The following BMERB1 variants were observed in gnomAD, a reference collection of about 807,000 sequenced individuals.
The protein encoded by BMERB1 is bMERB domain containing 1.
Under a neutral mutation model 23.6 loss-of-function variants are expected in BMERB1, and 12 were observed. The ratio of observed to expected loss-of-function variants is 0.51; its 90% CI spans 0.33 to 0.82. The LOEUF (loss-of-function observed/expected upper bound fraction) is 0.82, where lower values mean the gene tolerates loss of function less well. Among genes scored for constraint, BMERB1 ranks in the 40% least tolerant of loss-of-function variants. The pLI is 0.03. For missense variants in BMERB1, 247 were observed against 255.4 expected, an observed-to-expected ratio of 0.97 and a Z score of 0.22; for synonymous variants, 122 against 96.6, an observed-to-expected ratio of 1.26 and a Z score of -1.54.
chr16:15,526,150 T>A (rs540720009), intron 2 of BMERB1, among the ~76,000 whole-genome samples: 4 of 152,334 alleles, frequency 2.6e-5, no homozygotes, highest in Middle Eastern at 3.4e-3. Context: ...GTATAGGACA[T>A]TTCTATTGTT....
intron 1 of BMERB1, among the ~76,000 whole-genome samples, chr16:15,450,497 G>A (rs1341742926): frequency 6.6e-6 from 1 of 151,956 alleles, no homozygotes; most frequent in South Asian, 2.1e-4. Context: ...TTGAAACAGA[G>A]TCTTGCTCTA....
chr16:15,563,369 A>G (rs2030478861), intron 2 of BMERB1, among the ~76,000 whole-genome samples: 1 of 151,836 alleles, frequency 6.6e-6, no homozygotes. Context: ...ACAGGTGCCT[A>G]CCACCACGCC....
chr16:15,452,815 A>G (rs1567451831), intron 1 of BMERB1, among the ~76,000 whole-genome samples: 1 of 151,930 alleles, frequency 6.6e-6, no homozygotes, highest in Non-Finnish European at 1.5e-5. Flanking sequence ...TCAAGACCCA[A>G]CCCTTGACTA....
At chr16:15,542,156 C>T (rs2052091638) in intron 2 of BMERB1, among the ~76,000 whole-genome samples, 1 of 151,672 alleles carries the variant, frequency 6.6e-6, no homozygotes, top group African/African-American at 2.4e-5. Flanking sequence ...CTCCGCCTCC[C>T]AGGTTCAAGC....
intron 4 of BMERB1, among the ~76,000 whole-genome samples, chr16:15,582,757 C>A (rs1292998746): frequency 6.6e-6 from 1 of 152,172 alleles, no homozygotes; most frequent in African/African-American, 2.4e-5. Flanking sequence ...CCTACTTTAT[C>A]TTGGTGATCC....
intron 2 of BMERB1, among the ~76,000 whole-genome samples, chr16:15,542,927 CTT>C (rs960027618): frequency 6.6e-6 from 1 of 152,086 alleles, no homozygotes; most frequent in Non-Finnish European, 1.5e-5. Flanking sequence ...AATTAATACT[CTT>C]TTAGCAGTTG....
intron 1 of BMERB1, among the ~76,000 whole-genome samples, chr16:15,441,813 C>T (rs1317156353): frequency 1.3e-5 from 2 of 152,238 alleles, no homozygotes; most frequent in Admixed American, 6.5e-5. Flanking sequence ...AGAGCCACTG[C>T]GCCCAGCCTG....
intron 5 of BMERB1, among the ~76,000 whole-genome samples, chr16:15,586,446 T>A (rs957870389): frequency 2.6e-5 from 4 of 152,144 alleles, no homozygotes; most frequent in African/African-American, 9.7e-5. Context: ...GCAGGTACAA[T>A]GATGATAACA....
Position 15,581,204 on chromosome 16 carries a change from G to T in BMERB1, c.305-13G>T, listed in dbSNP as rs942436379. 8.8e-6 allele frequency: 14 copies of T among 1,595,804 alleles called. No individual in the cohort carries two copies. The highest frequency in any genetic ancestry group is 5.4e-5 in the African/African-American group (4 of 74,674). ...AATGCTCATCTGTCTCCTTGTTGAT[G>T]TCTTCTTTCCAGAAAAAGAAAAAAC... On this transcript the variant is annotated splice_polypyrimidine_tract_variant and intron_variant, in intron 3 of 5. Coordinates refer to ENST00000300006, the MANE Select transcript of BMERB1 (RefSeq NM_033201.3).
intron 1 of BMERB1, among the ~76,000 whole-genome samples, chr16:15,500,558 AAAG>A (rs1249066791): frequency 6.7e-6 from 1 of 150,144 alleles, no homozygotes; most frequent in Non-Finnish European, 1.5e-5. Context: ...GGGAGAAAAG[AAAG>A]AAGGAGATGA....
intron 1 of BMERB1, among the ~76,000 whole-genome samples, chr16:15,478,880 A>T (rs1373010961): frequency 6.6e-6 from 1 of 152,196 alleles, no homozygotes; most frequent in Non-Finnish European, 1.5e-5. Flanking sequence ...GCTCTTCTGG[A>T]TGATGGAATG....
chr16:15,434,981 G>C (rs1401755439), intron 1 of BMERB1, among the ~76,000 whole-genome samples: 1 of 152,268 alleles, frequency 6.6e-6, no homozygotes, highest in African/African-American at 2.4e-5. Flanking sequence ...GGAGGGTTGG[G>C]AGATGGCCAG....
At chr16:15,455,369 G>A (rs2051077528) in intron 1 of BMERB1, among the ~76,000 whole-genome samples, 1 of 151,474 alleles carries the variant, frequency 6.6e-6, no homozygotes, top group Non-Finnish European at 1.5e-5. Flanking sequence ...ACCCAACAGT[G>A]TGTTGGGTAT....
chr16:15,479,300 A>C (rs2051299364), intron 1 of BMERB1, among the ~76,000 whole-genome samples: 1 of 152,158 alleles, frequency 6.6e-6, no homozygotes, highest in African/African-American at 2.4e-5. Context: ...GTGGAAGATC[A>C]GTGTAAATCA....
chr16:15,480,880 G>A (rs1006620970), intron 1 of BMERB1, among the ~76,000 whole-genome samples: 1 of 151,906 alleles, frequency 6.6e-6, no homozygotes, highest in Non-Finnish European at 1.5e-5. Flanking sequence ...CCAAAGTGCT[G>A]GGATTACAAG....
intron 1 of BMERB1, among the ~76,000 whole-genome samples, chr16:15,465,175 C>T (rs911283976): frequency 6.6e-6 from 1 of 151,966 alleles, no homozygotes; most frequent in Non-Finnish European, 1.5e-5. Context: ...TGAATAAGGT[C>T]AGTTATGCAA....
chr16:15,533,335 C>A (rs1436390526), intron 2 of BMERB1, among the ~76,000 whole-genome samples: 1 of 151,440 alleles, frequency 6.6e-6, no homozygotes, highest in East Asian at 1.9e-4. Context: ...TCAAGGGGCA[C>A]CTAAGATTTG....
At chr16:15,579,759 C>A (rs1346523578) in intron 3 of BMERB1, among the ~76,000 whole-genome samples, 1 of 152,078 alleles carries the variant, frequency 6.6e-6, no homozygotes, top group African/African-American at 2.4e-5. Flanking sequence ...AATTGGTTTA[C>A]CTTCACCAAA....
intron 1 of BMERB1, among the ~76,000 whole-genome samples, chr16:15,464,837 T>C (rs547103252): frequency 1.3e-5 from 2 of 152,252 alleles, no homozygotes; most frequent in Non-Finnish European, 2.9e-5. Context: ...GTTTTATCAG[T>C]GGGGTCTTTG....
Sources: gnomAD v4.1 joint callset for allele counts (sites outside exome capture counted in the v4.1 genomes callset) on GRCh38, gnomAD v4.1.1 for gene constraint, MANE v1.5 for transcripts, NCBI Gene and HGNC (gene_info 2026-07-23, HGNC 2026-07-21) for gene names.